The following ADAMTS17 variants were observed in gnomAD, a reference collection of about 807,000 sequenced individuals.
ADAMTS17 encodes ADAM metallopeptidase with thrombospondin type 1 motif 17, also known as A disintegrin and metalloproteinase with thrombospondin motifs 17.
ADAMTS17 carries 113 observed loss-of-function variants against 141.5 expected under a neutral mutation model. The observed-to-expected ratio is 0.80, with a 90% CI of 0.69 to 0.93. The LOEUF is 0.93. ADAMTS17 is among the 40% of genes least tolerant of loss of function. The probability of loss-of-function intolerance (pLI) is 0.00; values close to 1 mark genes in which losing one functional copy is unlikely to be tolerated. For missense variants in ADAMTS17, 1,659 were observed against 1,517.9 expected (o/e 1.09, Z -1.54); for synonymous variants, 768 against 630.6 (o/e 1.22, Z -3.27).
intron 18 of ADAMTS17, among the ~76,000 whole-genome samples, chr15:100,033,962 G>C (rs1035730998): frequency 1.3e-5 from 2 of 152,218 alleles, no homozygotes; most frequent in African/African-American, 4.8e-5. Context: ...GGTGGGGACA[G>C]CAGTTTGATT....
At chr15:100,317,419 G>C (rs373047723) in intron 3 of ADAMTS17, among the ~76,000 whole-genome samples, 20 of 152,294 alleles carry the variant, frequency 1.3e-4, no homozygotes, top group East Asian at 9.7e-4. Context: ...GCACCAGGGA[G>C]ACAGGAAATG....
chr15:100,309,335 G>T (rs914294530), intron 3 of ADAMTS17, among the ~76,000 whole-genome samples: 1 of 152,214 alleles, frequency 6.6e-6, no homozygotes, highest in African/African-American at 2.4e-5. Flanking sequence ...CTCCAGACTG[G>T]GTGACAGGGC....
intron 3 of ADAMTS17, among the ~76,000 whole-genome samples, chr15:100,286,416 C>T (rs1303502804): frequency 6.6e-6 from 1 of 152,156 alleles, no homozygotes; most frequent in Non-Finnish European, 1.5e-5. Flanking sequence ...GTGGCCAGCA[C>T]CCCACATCGA....
In ADAMTS17 at chr15:100,331,055, C is replaced by G; in HGVS notation, c.451-1G>C. 1 of 1,614,194 alleles carries G rather than the reference C, an allele frequency of 6.2e-7. No homozygotes were observed. On this transcript the variant is annotated splice_acceptor_variant, in intron 2 of 21. Transcript: ENST00000268070. LOFTEE classifies it high-confidence loss of function. ...CCTGCCCAAGCTGAATGAGGCCAAC[C>G]TGTCCAGAAAGGAGAAGGAAACGCG...
intron 15 of ADAMTS17, among the ~76,000 whole-genome samples, chr15:100,084,767 C>A (rs1446184937): frequency 6.6e-6 from 1 of 152,218 alleles, no homozygotes; most frequent in African/African-American, 2.4e-5. Context: ...ATCCAACAGA[C>A]CTGTAGCTGA....
At chr15:100,164,937 T>C (rs552219239) in intron 8 of ADAMTS17, among the ~76,000 whole-genome samples, 1 of 152,152 alleles carries the variant, frequency 6.6e-6, no homozygotes, top group Non-Finnish European at 1.5e-5. Context: ...ATCTATACCA[T>C]GTGTTGCTCT....
intron 16 of ADAMTS17, among the ~76,000 whole-genome samples, chr15:100,052,234 C>CA (rs1488014965): frequency 8.2e-6 from 1 of 121,798 alleles, no homozygotes; most frequent in Non-Finnish European, 1.6e-5. Flanking sequence ...GTCAGTTGGT[C>CA]CAGAGTCAGG....
intron 8 of ADAMTS17, among the ~76,000 whole-genome samples, chr15:100,197,497 A>G (rs1301219223): frequency 6.6e-6 from 1 of 152,160 alleles, no homozygotes; most frequent in Non-Finnish European, 1.5e-5. Context: ...ACTCTTGGAT[A>G]CAGGATTTTA....
chr15:100,146,128 G>C (rs532302658), intron 10 of ADAMTS17, among the ~76,000 whole-genome samples: 22 of 152,280 alleles, frequency 1.4e-4, no homozygotes, highest in African/African-American at 5.3e-4. Flanking sequence ...AGCTGAGATC[G>C]AGCTACTGCA....
intron 15 of ADAMTS17, among the ~76,000 whole-genome samples, chr15:100,056,463 G>C (rs2032579195): frequency 6.6e-6 from 1 of 152,094 alleles, no homozygotes. Context: ...GCGGGGGATG[G>C]TTTTGGGATG....
chr15:100,309,627 G>A (rs1043735713), intron 3 of ADAMTS17, among the ~76,000 whole-genome samples: 4 of 152,196 alleles, frequency 2.6e-5, no homozygotes, highest in South Asian at 2.1e-4. Flanking sequence ...TGTGGACAAC[G>A]TACAAAGGCA....
intron 8 of ADAMTS17, among the ~76,000 whole-genome samples, chr15:100,165,443 T>C (rs2039911303): frequency 6.6e-6 from 1 of 152,192 alleles, no homozygotes. Flanking sequence ...GGTCCCAATA[T>C]GAACACGCAA....
intron 8 of ADAMTS17, among the ~76,000 whole-genome samples, chr15:100,188,940 C>T (rs2040820397): frequency 6.6e-6 from 1 of 152,220 alleles, no homozygotes; most frequent in Non-Finnish European, 1.5e-5. Flanking sequence ...TGCTTTAACC[C>T]ACCAAGTTAT....
At chr15:100,193,501 T>C (rs897718746) in intron 8 of ADAMTS17, among the ~76,000 whole-genome samples, 1 of 152,140 alleles carries the variant, frequency 6.6e-6, no homozygotes, top group Non-Finnish European at 1.5e-5. Flanking sequence ...GTGGCAGGAA[T>C]GTGGGCAAGG....
chr15:100,231,215 C>G (rs1389280679), intron 7 of ADAMTS17, among the ~76,000 whole-genome samples: 10 of 152,218 alleles, frequency 6.6e-5, no homozygotes, highest in Admixed American at 2.0e-4. Flanking sequence ...GCTTCAAATT[C>G]TGAACTCATG....
Position 100,152,667 on chromosome 15 carries a change from T to G in ADAMTS17, c.1418A>C (p.Asn473Thr), listed in dbSNP as rs549543095. 9 of 1,614,198 alleles carry G rather than the reference T, an allele frequency of 5.6e-6. No individual in the cohort carries two copies. In the South Asian group the frequency reaches 8.8e-5, roughly 16 times the overall value. ...HKLPGMHYSA[N>T]EQCQILFGMN... Reference sequence around the variant, plus strand: ...GCCAAACAGGATCTGGCACTGCTCGTTGGCACTGTAGTGCATGCCCGGCAG... The same window carrying G: ...GCCAAACAGGATCTGGCACTGCTCGGTGGCACTGTAGTGCATGCCCGGCAG... The change falls in exon 10 of 22, where the codon AAC becomes ACC. Residue 473 changes from asparagine (N) to threonine (T), a missense_variant. Transcript: ENST00000268070.
At chr15:100,226,682 A>G (rs866962535) in intron 7 of ADAMTS17, among the ~76,000 whole-genome samples, 22 of 152,336 alleles carry the variant, frequency 1.4e-4, no homozygotes, top group Middle Eastern at 3.4e-3. Flanking sequence ...GATGGACCAT[A>G]AAAGACCTCA....
At chr15:100,050,045 T>C (rs972971317) in intron 17 of ADAMTS17, among the ~76,000 whole-genome samples, 2 of 152,230 alleles carry the variant, frequency 1.3e-5, no homozygotes, top group African/African-American at 4.8e-5. Context: ...GCTGGGTCTG[T>C]GTCCTGGGCA....
At chr15:99,974,627 C>T (rs1490538597) in intron 21 of ADAMTS17, 65 bp from the exon 22 acceptor site, 1 of 1,603,126 alleles carries the variant, frequency 6.2e-7, no homozygotes, top group Non-Finnish European at 8.5e-7. Context: ...GATGCAGGCA[C>T]AGGGAGGGCT....
Sources: allele counts gnomAD v4.1 joint callset (sites outside exome capture counted in the v4.1 genomes callset), GRCh38; gene constraint gnomAD v4.1.1; transcripts MANE v1.5; gene names NCBI Gene and HGNC (gene_info 2026-07-23, HGNC 2026-07-21).